VPS13D: variants seen among roughly 807,000 people sequenced by gnomAD.
The protein encoded by VPS13D is intermembrane lipid transfer protein VPS13D.
Under a neutral mutation model 461.9 loss-of-function variants are expected in VPS13D, and 187 were observed. That is an observed-to-expected ratio of 0.40 (90% CI 0.36 to 0.46). VPS13D has a LOEUF of 0.46. Ranked by LOEUF, VPS13D falls within the 20% of genes least tolerant of loss-of-function variation. The pLI, the probability that VPS13D is intolerant of heterozygous loss-of-function variation, is 0.60. For missense variants in VPS13D, 4,711 were observed against 5,364.9 expected (o/e 0.88, Z 3.81); for synonymous variants, 1,951 against 1,986.3 (o/e 0.98, Z 0.47).
rs1241911107 is a variant in VPS13D, at chr1:12,299,893, T to C, written c.6216+509T>C. 4.0e-5 allele frequency among the ~76,000 whole-genome samples: 6 copies of C among 151,530 alleles called. No homozygotes were observed. Among genetic ancestry groups the C allele is most frequent in the Non-Finnish European group, 7.4e-5 (5 of 67,924 alleles). On this transcript the variant is annotated intron_variant, in intron 25 of 69. Transcript: ENST00000620676. The surrounding 1 kb of genome is among the most constrained non-coding windows in gnomAD (Gnocchi z 4.2). The stretch of plus-strand genomic sequence containing the variant: ...ATATTGCTTTACAGTTTTAAATTAC[T>C]GTGGCACCTTTTTTTTTTTTTCAAC...
intron 28 of VPS13D, 28 bp downstream of exon 28, chr1:12,311,653 A>G: frequency 6.2e-7 from 1 of 1,612,234 alleles, no homozygotes; most frequent in Non-Finnish European, 8.5e-7. Flanking sequence ...TTCTTCTGTC[A>G]CTCTCATAGT....
Position 12,278,151 on chromosome 1 carries a change from A to T in VPS13D, c.4450+113A>T. 6.1e-6 allele frequency: 7 copies of T among 1,142,566 alleles called. No individual in the cohort carries two copies. The South Asian group carries it at 1.2e-4, about 20-fold the overall frequency. 70.8% of individuals were successfully genotyped at this position (1,142,566 alleles called of 1,614,324 possible). A position where few individuals can be genotyped will look rare whatever the true frequency, so the allele number is the denominator to read the frequency against. On this transcript the variant is annotated intron_variant, in intron 19 of 69. Transcript: ENST00000620676. Reference sequence around the variant, plus strand: ...ATCCTTTTCTTTTAGAATAATCCTCAGTTAATATTTAAGAAATCAAAGAGT... The same window carrying T: ...ATCCTTTTCTTTTAGAATAATCCTCTGTTAATATTTAAGAAATCAAAGAGT...
At position 12,277,326 on chromosome 1, in the gene VPS13D, TATC is replaced by T. The variant is rs745407569; in HGVS notation, c.3743_3745del (p.Ile1248del). ...TTGGGAATTCTGTAGGCTATGAAAA[TATC>T]ATCAGTGATATTGGCTACTTTGAAT... On this transcript the variant is annotated inframe_deletion, in exon 19 of 70. Transcript: ENST00000620676. 4 of 1,614,188 alleles carry T rather than the reference TATC, an allele frequency of 2.5e-6. No homozygotes were observed. The South Asian group carries it at 4.4e-5, about 18-fold the overall frequency.
At position 12,420,656 on chromosome 1, in the gene VPS13D, A is replaced by T. The variant is rs75295630; in HGVS notation, c.12333+3829A>T. On this transcript the variant is annotated intron_variant, in intron 65 of 69. Transcript: ENST00000620676. ...TTCTTGCCTCCAAAGATTGTAAGCC[A>T]TTATTATAGACATACGTTTGTACAT... 6.9e-3 allele frequency among the ~76,000 whole-genome samples: 1,050 copies of T among 152,330 alleles called. 13 individuals carry two copies. Among genetic ancestry groups the T allele is most frequent in the African/African-American group, 0.024 (1,016 of 41,580 alleles).
At chr1:12,419,314 T>G (rs567056858) in intron 65 of VPS13D, among the ~76,000 whole-genome samples, 2 of 152,210 alleles carry the variant, frequency 1.3e-5, no homozygotes, top group Admixed American at 6.5e-5. Flanking sequence ...TTTAATAAGC[T>G]ACTAGTATTG....
chr1:12,468,006 G>T lies in VPS13D; in HGVS notation c.12662+7610G>T, dbSNP rs1378955554. Reference sequence around the variant, plus strand: ...CTCAACCAGCAGGTCCTTGTGCAAAGAAAATGAATGGGAAGTGTGATTTGG... The same window carrying T: ...CTCAACCAGCAGGTCCTTGTGCAAATAAAATGAATGGGAAGTGTGATTTGG... On this transcript the variant is annotated intron_variant, in intron 67 of 69. Coordinates refer to ENST00000620676, the MANE Select transcript of VPS13D (RefSeq NM_015378.4). 2.0e-5 allele frequency among the ~76,000 whole-genome samples: 3 copies of T among 152,180 alleles called. No homozygotes were observed. The East Asian group carries it at 5.8e-4, about 29-fold the overall frequency.
chr1:12,308,579 A>G lies in VPS13D; in HGVS notation c.6588A>G (p.Thr2196=). ...TCCCTTCCTATTTTGTGCGACAGAC[A>G]GGAGGAAGCCTCTTAACCGAGCCTT... ...LIFPSYFVRQ[T]GGSLLTEPCR... The change falls in exon 27 of 70, where the codon ACA becomes ACG. Residue 2196 remains threonine, a synonymous_variant. Coordinates refer to ENST00000620676, the MANE Select transcript of VPS13D (RefSeq NM_015378.4). 4 of 1,614,024 alleles carry G rather than the reference A, an allele frequency of 2.5e-6. No individual in the cohort carries two copies. Among genetic ancestry groups the G allele is most frequent in the Non-Finnish European group, 3.4e-6 (4 of 1,180,000 alleles).
Position 12,509,035 on chromosome 1 carries a change from C to T in VPS13D, c.*11C>T, listed in dbSNP as rs534807598. 1 of 1,613,326 alleles carries T rather than the reference C, an allele frequency of 6.2e-7. No individual in the cohort carries two copies. Among genetic ancestry groups the T allele is most frequent in the East Asian group, 2.2e-5 (1 of 44,848 alleles). ...GAGCTGGACTCCTGAAGCCCCGCTG[C>T]TGAGATGGGCGCTCCCGACACAGCG... On this transcript the variant is annotated 3_prime_UTR_variant, in exon 70 of 70. Coordinates refer to ENST00000620676, the MANE Select transcript of VPS13D (RefSeq NM_015378.4).
chr1:12,441,476 A>C (rs1263633628), intron 65 of VPS13D, among the ~76,000 whole-genome samples: 1 of 152,212 alleles, frequency 6.6e-6, no homozygotes, highest in African/African-American at 2.4e-5. Flanking sequence ...ACAAATGGTC[A>C]CACAACAGTC....
Position 12,383,773 on chromosome 1 carries a change from G to A in VPS13D, c.11370+618G>A, listed in dbSNP as rs981093830. 2.3e-4 allele frequency among the ~76,000 whole-genome samples: 35 copies of A among 152,176 alleles called. 1 individual carries two copies. The highest frequency in any genetic ancestry group is 1.5e-5 in the Non-Finnish European group (1 of 68,034). Reference sequence around the variant, plus strand: ...AGGTACGGAACATTTACCAGTGAACGGACAAAACTCCCTGCCTTCTTGGAG... The same window carrying A: ...AGGTACGGAACATTTACCAGTGAACAGACAAAACTCCCTGCCTTCTTGGAG... On this transcript the variant is annotated intron_variant, in intron 58 of 69. Coordinates refer to ENST00000620676, the MANE Select transcript of VPS13D (RefSeq NM_015378.4).
intron 67 of VPS13D, among the ~76,000 whole-genome samples, chr1:12,467,599 A>T (rs1188895994): frequency 6.6e-6 from 1 of 152,206 alleles, no homozygotes; most frequent in Non-Finnish European, 1.5e-5. Flanking sequence ...CTGAACTCTA[A>T]ATACTGTATT....
At chr1:12,466,961 C>T (rs955906715) in intron 67 of VPS13D, among the ~76,000 whole-genome samples, 2 of 152,144 alleles carry the variant, frequency 1.3e-5, no homozygotes, top group Admixed American at 6.5e-5. Flanking sequence ...CTCACCCTTG[C>T]GTATATATTT....
At position 12,511,818 on chromosome 1, in the gene VPS13D, G is replaced by T. The variant is rs1646186994; in HGVS notation, c.*2794G>T. ...AATCCCAAGAGTGTCTTGCTGCTTGGTGGGTGCTCATCGCAATGTTCTGAA... is the reference window on the plus strand; with the variant it reads ...AATCCCAAGAGTGTCTTGCTGCTTGTTGGGTGCTCATCGCAATGTTCTGAA... On this transcript the variant is annotated 3_prime_UTR_variant, in exon 70 of 70. Coordinates refer to ENST00000620676, the MANE Select transcript of VPS13D (RefSeq NM_015378.4). The surrounding 1 kb of genome is among the most constrained non-coding windows in gnomAD (Gnocchi z 4.5). 6.6e-6 allele frequency: 1 copy of T among 152,256 alleles called. No homozygotes were observed. Among genetic ancestry groups the T allele is most frequent in the Non-Finnish European group, 1.5e-5 (1 of 68,088 alleles). 9.4% of individuals were successfully genotyped at this position (152,256 alleles called of 1,614,324 possible).
At chr1:12,311,389 C>T (rs535776100) in intron 27 of VPS13D, 65 bp from the exon 28 acceptor site, 15 of 1,482,452 alleles carry the variant, frequency 1.0e-5, no homozygotes, top group South Asian at 6.7e-5. Flanking sequence ...GTTGTTTGGG[C>T]GTGAGCTATG....
intron 36 of VPS13D, among the ~76,000 whole-genome samples, chr1:12,328,508 C>G (rs1393291525): frequency 6.6e-6 from 1 of 151,960 alleles, no homozygotes; most frequent in Non-Finnish European, 1.5e-5. Flanking sequence ...GTACTTGATC[C>G]TTAAGTGCCT....
chr1:12,355,776 A>T, intron 47 of VPS13D, 123 bp from the exon 48 acceptor site: 1 of 990,638 alleles, frequency 1.0e-6, no homozygotes, highest in Non-Finnish European at 1.4e-6. Flanking sequence ...CATTCTAATG[A>T]AGATTTTTGC....
chr1:12,373,800 G>T lies in VPS13D; in HGVS notation c.10859G>T (p.Cys3620Phe), dbSNP rs1432837384. The T allele has an allele frequency of 1.9e-6, 3 of 1,604,974 alleles. No individual in the cohort carries two copies. The highest frequency in any genetic ancestry group is 2.2e-5 in the South Asian group (2 of 90,290). Residue 3620 changes from cysteine (C) to phenylalanine (F), a missense_variant, in exon 55 of 70, where the codon TGT (cysteine) becomes TTT (phenylalanine). By Grantham distance (205) the Cys-to-Phe change is radical (BLOSUM62 -2). Around this residue, in one of 3 missense-constraint regions of VPS13D, gnomAD observed 4,411 missense variants for 4,937.8 expected, o/e 0.89. Coordinates refer to ENST00000620676, the MANE Select transcript of VPS13D (RefSeq NM_015378.4). ...GTGGCTTCCAACAAGGCCATTACCT[G>T]TGCGGAGCTCGTTTTGGATGTCTCA... ...RPVASNKAIT[C>F]AELVLDVSPK...
chr1:12,427,010 G>A (rs911677596), intron 65 of VPS13D, among the ~76,000 whole-genome samples: 10 of 151,902 alleles, frequency 6.6e-5, no homozygotes, highest in East Asian at 3.9e-4. Flanking sequence ...GTGAGTCTTC[G>A]TCTCAAGAAA....
rs772456053 is a variant in VPS13D at position 12,509,049 on chromosome 1, C to A, written c.*25C>A. 6.2e-7 allele frequency: 1 copy of A among 1,612,508 alleles called. No homozygotes were observed. Among genetic ancestry groups the A allele is most frequent in the East Asian group, 2.2e-5 (1 of 44,822 alleles). On this transcript the variant is annotated 3_prime_UTR_variant, in exon 70 of 70. Transcript: ENST00000620676. The stretch of plus-strand genomic sequence containing the variant: ...AAGCCCCGCTGCTGAGATGGGCGCT[C>A]CCGACACAGCGCAGACCCACCAGGA...
Sources: gnomAD v4.1 joint callset for allele counts (sites outside exome capture counted in the v4.1 genomes callset) on GRCh38, gnomAD v4.1.1 for gene constraint, gnomAD v4.1.1 regional missense constraint, Gnocchi (gnomAD v3.1) non-coding constraint, MANE v1.5 for transcripts, NCBI Gene and HGNC (gene_info 2026-07-23, HGNC 2026-07-21) for gene names.